The following CCSER1 variants were observed in gnomAD, a reference collection of about 807,000 sequenced individuals.
CCSER1 encodes the protein coiled-coil serine rich protein 1, also known as serine-rich coiled-coil domain-containing protein 1.
Under a neutral mutation model 82.0 loss-of-function variants are expected in CCSER1, and 41 were observed. The observed-to-expected ratio is 0.50, with a 90% CI of 0.39 to 0.65. The LOEUF (loss-of-function observed/expected upper bound fraction) is 0.65, where lower values mean the gene tolerates loss of function less well. Among genes scored for constraint, CCSER1 ranks in the 30% least tolerant of loss-of-function variants. The probability of loss-of-function intolerance (pLI) is 0.00; values close to 1 mark genes in which losing one functional copy is unlikely to be tolerated. For missense variants in CCSER1, 1,119 were observed against 1,064.2 expected (o/e 1.05, Z -0.72); for synonymous variants, 414 against 383.9 (o/e 1.08, Z -0.92).
intron 7 of CCSER1, among the ~76,000 whole-genome samples, chr4:90,778,527 T>TTAA (rs1753256713): frequency 7.0e-6 from 1 of 143,392 alleles, no homozygotes; most frequent in Admixed American, 7.0e-5. Context: ...ATGCATTTCT[T>TTAA]AAAAAAAAAA....
chr4:90,501,596 G>A lies in CCSER1; in HGVS notation c.1724+33242G>A, dbSNP rs548247368. Reference sequence around the variant, plus strand: ...ATGCTCACAGTGGGAAAATGTCAGTGGAAAAATATCAGTATAAATATGATT... The same window carrying A: ...ATGCTCACAGTGGGAAAATGTCAGTAGAAAAATATCAGTATAAATATGATT... On this transcript the variant is annotated intron_variant, in intron 5 of 10. Coordinates refer to ENST00000509176, the MANE Select transcript of CCSER1 (RefSeq NM_001145065.2). 9.2e-5 allele frequency among the ~76,000 whole-genome samples: 14 copies of A among 152,170 alleles called. No individual in the cohort carries two copies. The South Asian group carries it at 1.9e-3, about 20-fold the overall frequency.
rs1327494584 is a variant in CCSER1, at chr4:91,598,818, C to T, written c.2464C>T (p.Arg822Trp). The T allele has an allele frequency of 3.9e-6, 6 of 1,551,454 alleles. No individual in the cohort carries two copies. The Admixed American group carries it at 9.8e-5, about 25-fold the overall frequency. ...CACTTCAGACGTTACACAGAACTTACGGGCCACCGTTGGGCAGAGCTCTCT... is the reference window on the plus strand; with the variant it reads ...CACTTCAGACGTTACACAGAACTTATGGGCCACCGTTGGGCAGAGCTCTCT... ...TLTSDVTQNL[R>W]ATVGQSSLKP... Residue 822 changes from arginine (R) to tryptophan (W), a missense_variant, in exon 11 of 11, where the codon CGG (arginine) becomes TGG (tryptophan). Transcript: ENST00000509176.
chr4:90,755,613 T>TAA, intron 7 of CCSER1, among the ~76,000 whole-genome samples: 1 of 152,228 alleles, frequency 6.6e-6, no homozygotes, highest in Non-Finnish European at 1.5e-5. Context: ...ACTGTATTTT[T>TAA]AGATAACAAA....
chr4:90,724,130 T>TC, intron 7 of CCSER1, 139 bp downstream of exon 7: 2 of 532,470 alleles, frequency 3.8e-6, no homozygotes, highest in South Asian at 6.8e-5. Context: ...AATCGTTTTT[T>TC]TGTGTGTTCC....
chr4:90,592,927 T>C (rs1782882938), intron 5 of CCSER1, among the ~76,000 whole-genome samples: 1 of 152,160 alleles, frequency 6.6e-6, no homozygotes, highest in Non-Finnish European at 1.5e-5. Flanking sequence ...TTCTATAACA[T>C]CAGGCTGGTG....
chr4:90,474,588 G>A (rs1297260784), intron 5 of CCSER1, among the ~76,000 whole-genome samples: 6 of 152,186 alleles, frequency 3.9e-5, no homozygotes, highest in African/African-American at 1.2e-4. Flanking sequence ...AATCAGCCAT[G>A]GTGGGTGTAT....
intron 10 of CCSER1, among the ~76,000 whole-genome samples, chr4:91,180,270 AG>A (rs1257941538): frequency 1.3e-5 from 2 of 152,194 alleles, no homozygotes; most frequent in Non-Finnish European, 2.9e-5. Context: ...GACTGACTTG[AG>A]GAGGCAATCT....
intron 6 of CCSER1, among the ~76,000 whole-genome samples, chr4:90,659,306 C>G (rs113697770): frequency 6.6e-6 from 1 of 152,070 alleles, no homozygotes; most frequent in African/African-American, 2.4e-5. Flanking sequence ...GTTAAGAGCT[C>G]CAGTTCTGGA....
chr4:91,103,889 A>G (rs1209851823), intron 10 of CCSER1, among the ~76,000 whole-genome samples: 2 of 152,188 alleles, frequency 1.3e-5, no homozygotes, highest in Non-Finnish European at 2.9e-5. Context: ...CTTGTTGCAG[A>G]GAGCCTATAA....
chr4:90,908,402 A>T (rs1725817836), intron 8 of CCSER1, among the ~76,000 whole-genome samples: 1 of 152,046 alleles, frequency 6.6e-6, no homozygotes, highest in African/African-American at 2.4e-5. Context: ...ATATGAGATG[A>T]AGGTGATAAA....
rs544366635 is a variant in CCSER1, at chr4:91,009,068, T to G, written c.2173-76882T>G. 5.3e-5 allele frequency among the ~76,000 whole-genome samples: 8 copies of G among 152,218 alleles called. No homozygotes were observed. The South Asian group carries it at 1.7e-3, about 32-fold the overall frequency. On this transcript the variant is annotated intron_variant, in intron 9 of 10. Coordinates refer to ENST00000509176, the MANE Select transcript of CCSER1 (RefSeq NM_001145065.2). ...GTGCCTCCCCGGATCAGGAGCACAG[T>G]GGACACCCTGGGACAACCTGCCAGA...
chr4:90,465,296 C>T (rs375986898), intron 4 of CCSER1, among the ~76,000 whole-genome samples: 26 of 150,694 alleles, frequency 1.7e-4, no homozygotes, highest in African/African-American at 5.2e-4. Flanking sequence ...TGAACCACCG[C>T]GCCCAGGCAG....
At chr4:91,335,421 G>A (rs547900570) in intron 10 of CCSER1, among the ~76,000 whole-genome samples, 1 of 152,168 alleles carries the variant, frequency 6.6e-6, no homozygotes, top group South Asian at 2.1e-4. Flanking sequence ...GTGAAGGAAA[G>A]GAGAGAGGAC....
intron 7 of CCSER1, among the ~76,000 whole-genome samples, chr4:90,773,672 A>C (rs929338791): frequency 3.3e-5 from 5 of 152,210 alleles, no homozygotes; most frequent in African/African-American, 4.8e-5. Context: ...TAGTGGCTTA[A>C]TGATAGTTTA....
chr4:90,593,850 C>G (rs1351986912), intron 5 of CCSER1, among the ~76,000 whole-genome samples: 1 of 151,946 alleles, frequency 6.6e-6, no homozygotes, highest in Non-Finnish European at 1.5e-5. Flanking sequence ...TTCTACAGGA[C>G]TAAGAGCTCT....
At chr4:90,217,685 G>C (rs1170313322) in intron 1 of CCSER1, among the ~76,000 whole-genome samples, 1 of 152,142 alleles carries the variant, frequency 6.6e-6, no homozygotes, top group Non-Finnish European at 1.5e-5. Flanking sequence ...TTCTCAAGGG[G>C]AATGTGTCCA....
intron 10 of CCSER1, among the ~76,000 whole-genome samples, chr4:91,257,444 T>C (rs972839080): frequency 6.7e-6 from 1 of 150,352 alleles, no homozygotes; most frequent in Non-Finnish European, 1.5e-5. Flanking sequence ...TTAAATTATG[T>C]GTATTCAGTA....
intron 10 of CCSER1, among the ~76,000 whole-genome samples, chr4:91,589,166 T>C (rs1253424361): frequency 2.6e-5 from 4 of 151,898 alleles, no homozygotes; most frequent in African/African-American, 9.7e-5. Context: ...TATTTTTATT[T>C]CACTTCCTTG....
intron 1 of CCSER1, among the ~76,000 whole-genome samples, chr4:90,204,546 G>A (rs1738416467): frequency 6.6e-6 from 1 of 152,096 alleles, no homozygotes; most frequent in Non-Finnish European, 1.5e-5. Flanking sequence ...TGTTCCATTG[G>A]TCTATATATC....
Sources: gnomAD v4.1 joint callset for allele counts (sites outside exome capture counted in the v4.1 genomes callset) on GRCh38, gnomAD v4.1.1 for gene constraint, MANE v1.5 for transcripts, NCBI Gene and HGNC (gene_info 2026-07-23, HGNC 2026-07-21) for gene names.